The following MPDZ variants were observed in gnomAD, a reference collection of about 807,000 sequenced individuals.
MPDZ encodes the protein multiple PDZ domain protein.
In MPDZ, 234 loss-of-function variants were observed where a neutral mutation model predicts 239.1. The ratio of observed to expected loss-of-function variants is 0.98; its 90% CI spans 0.88 to 1.09. The LOEUF (loss-of-function observed/expected upper bound fraction) is 1.09. Ranked by LOEUF, MPDZ falls within the 50% of genes least tolerant of loss-of-function variation. MPDZ has a pLI of 0.00. For synonymous variants in MPDZ, 1,048 were observed against 881.3 expected, an observed-to-expected ratio of 1.19 and a Z score of -3.35; for missense variants, 3,175 against 2,510.0, an observed-to-expected ratio of 1.26 and a Z score of -5.66.
chr9:13,239,968 A>G (rs967887867), intron 3 of MPDZ, among the ~76,000 whole-genome samples: 18 of 152,122 alleles, frequency 1.2e-4, no homozygotes, highest in African/African-American at 4.3e-4. Flanking sequence ...AAATTTAAAA[A>G]GTGTAGCTTG....
chr9:13,173,758 A>G (rs1952098917), intron 21 of MPDZ, among the ~76,000 whole-genome samples: 1 of 152,034 alleles, frequency 6.6e-6, no homozygotes, highest in African/African-American at 2.4e-5. Flanking sequence ...GCAAAATCTG[A>G]TGTACCCAAA....
In MPDZ at chr9:13,158,693, A is replaced by G. The variant is rs73406257; in HGVS notation, c.3360-583T>C. Among the ~76,000 whole-genome samples, 135 of 152,300 alleles carry G rather than the reference A, an allele frequency of 8.9e-4. 1 individual carries two copies. Among genetic ancestry groups the G allele is most frequent in the African/African-American group, 3.1e-3 (131 of 41,590 alleles). On this transcript the variant is annotated intron_variant, in intron 23 of 46. Transcript: ENST00000319217. ...CAGAATACTTCTTAATGGAAGAAGCAGTTTACAACGCGTCTGTGTTCAAGG... is the reference window on the plus strand; with the variant it reads ...CAGAATACTTCTTAATGGAAGAAGCGGTTTACAACGCGTCTGTGTTCAAGG...
intron 28 of MPDZ, 120 bp downstream of exon 28, chr9:13,139,867 G>A (rs760100110): frequency 8.9e-7 from 1 of 1,125,288 alleles, no homozygotes; most frequent in African/African-American, 1.5e-5. Flanking sequence ...TTTCCACACA[G>A]AATTGCAGTA....
At chr9:13,216,739 A>C (rs372085894) in intron 10 of MPDZ, 35 bp downstream of exon 10, 1 of 1,453,992 alleles carries the variant, frequency 6.9e-7, no homozygotes, top group Non-Finnish European at 9.6e-7. Flanking sequence ...TCAACCATGA[A>C]AATTAACAAA....
rs1367610072 is a variant in MPDZ at position 13,203,596 on chromosome 9, A to G, written c.1546+1440T>C. On this transcript the variant is annotated intron_variant, in intron 12 of 46. Transcript: ENST00000319217. ...AAATATCTGTGGAAGAGGCAATAAT[A>G]TCTTACCCCTTGTCTGAGGACTAGT... Among the ~76,000 whole-genome samples the G allele has an allele frequency of 2.7e-4, 41 of 152,066 alleles. 1 individual carries two copies. The highest frequency in any genetic ancestry group is 2.7e-3 in the Admixed American group (41 of 15,254).
In MPDZ at chr9:13,140,092, G is replaced by C. The variant is rs765040307; in HGVS notation, c.3898C>G (p.Pro1300Ala). 1 of 1,613,236 alleles carries C rather than the reference G, an allele frequency of 6.2e-7. No individual in the cohort carries two copies. Among genetic ancestry groups the C allele is most frequent in the South Asian group, 1.1e-5 (1 of 91,066 alleles). The change falls in exon 28 of 47, where the codon CCC (proline) becomes GCC (alanine). Residue 1300 changes from proline (P) to alanine (A), a missense_variant. Physicochemically the swap from Pro to Ala is conservative, Grantham distance 27 (BLOSUM62 -1). Transcript: ENST00000319217. Reference protein sequence around the residue: ...EKAPLCSVPPPPPSAFAEMGS... With the variant: ...EKAPLCSVPPAPPSAFAEMGS... ...ATTTCGGCAAAGGCTGAAGGAGGGG[G>C]TGGGGGCACACTGCACAATGGAGCC...
At chr9:13,264,283 T>TTA (rs1335894025) in intron 1 of MPDZ, among the ~76,000 whole-genome samples, 1 of 152,324 alleles carries the variant, frequency 6.6e-6, no homozygotes, top group African/African-American at 2.4e-5. Context: ...TACCTGCAGA[T>TTA]TTCCTAAAAC....
At chr9:13,189,084 T>A in intron 16 of MPDZ, 91 bp from the exon 17 acceptor site, 1 of 1,080,182 alleles carries the variant, frequency 9.3e-7, no homozygotes, top group Non-Finnish European at 1.3e-6. Context: ...AATGAGTAAT[T>A]GTCTCAAGTG....
intron 3 of MPDZ, among the ~76,000 whole-genome samples, chr9:13,228,352 T>G (rs914243846): frequency 6.6e-6 from 1 of 152,066 alleles, no homozygotes; most frequent in Admixed American, 6.6e-5. Context: ...ACTTATTCAA[T>G]TTAAAAGTTT....
chr9:13,189,224 C>T (rs2134876125), intron 16 of MPDZ, among the ~76,000 whole-genome samples: 1 of 152,196 alleles, frequency 6.6e-6, no homozygotes, highest in Non-Finnish European at 1.5e-5. Flanking sequence ...CCTAATGTTC[C>T]TGAGTAGACC....
At chr9:13,153,459 TTTGAGACAGGGTCTCA>T (rs1407232815) in intron 24 of MPDZ, among the ~76,000 whole-genome samples, 2 of 152,278 alleles carry the variant, frequency 1.3e-5, no homozygotes, top group East Asian at 3.9e-4. Context: ...TTGTTTTTGT[TTTGAGACAGGGTCTCA>T]TTCTGCAGCC....
At chr9:13,175,903 TC>T in intron 20 of MPDZ, 28 bp from the exon 21 acceptor site, 1 of 1,570,272 alleles carries the variant, frequency 6.4e-7, no homozygotes, top group Non-Finnish European at 8.6e-7. Context: ...AAGTCACAAG[TC>T]ACATGGAAAG....
intron 5 of MPDZ, among the ~76,000 whole-genome samples, chr9:13,223,197 G>C (rs752712710): frequency 2.6e-5 from 4 of 151,648 alleles, no homozygotes; most frequent in Non-Finnish European, 4.4e-5. Flanking sequence ...GGATACTGAG[G>C]GGCAACTATA....
At chr9:13,121,429 T>G (rs1237468747) in intron 38 of MPDZ, among the ~76,000 whole-genome samples, 3 of 152,108 alleles carry the variant, frequency 2.0e-5, no homozygotes, top group Non-Finnish European at 4.4e-5. Flanking sequence ...AGACGATGAG[T>G]TTTTGGAGTT....
intron 19 of MPDZ, among the ~76,000 whole-genome samples, chr9:13,183,113 TA>T (rs1425013357): frequency 1.3e-5 from 2 of 152,094 alleles, no homozygotes; most frequent in Non-Finnish European, 2.9e-5. Context: ...TATACACTGC[TA>T]AAAACACAAC....
In MPDZ at chr9:13,224,745, G is replaced by T. The variant is rs533838620; in HGVS notation, c.184-162C>A. 6.5e-4 allele frequency among the ~76,000 whole-genome samples: 99 copies of T among 152,168 alleles called. 1 individual carries two copies. Among genetic ancestry groups the T allele is most frequent in the African/African-American group, 2.3e-3 (97 of 41,550 alleles). On this transcript the variant is annotated intron_variant, in intron 3 of 46. Transcript: ENST00000319217. ...AAATTTATTTCAAGGATGAACATTA[G>T]GATAATACACAAAGATGTGTGTGCA...
intron 42 of MPDZ, 99 bp from the exon 43 acceptor site, chr9:13,112,245 T>C: frequency 8.1e-7 from 1 of 1,227,324 alleles, no homozygotes; most frequent in Non-Finnish European, 1.1e-6. Context: ...TCTGATTTTC[T>C]AAGTGTGAGG....
At chr9:13,278,139 A>T (rs563975441) in intron 1 of MPDZ, among the ~76,000 whole-genome samples, 24 of 152,340 alleles carry the variant, frequency 1.6e-4, no homozygotes, top group African/African-American at 5.3e-4. Flanking sequence ...TCTACAAGGC[A>T]GGACGAGGCA....
intron 24 of MPDZ, among the ~76,000 whole-genome samples, chr9:13,151,817 C>G (rs1029057854): frequency 1.3e-5 from 2 of 151,858 alleles, no homozygotes; most frequent in African/African-American, 4.8e-5. Context: ...TATTTTAACA[C>G]AATGGAATAA....
Sources: allele counts gnomAD v4.1 joint callset (sites outside exome capture counted in the v4.1 genomes callset), GRCh38; gene constraint gnomAD v4.1.1; transcripts MANE v1.5; gene names NCBI Gene and HGNC (gene_info 2026-07-23, HGNC 2026-07-21).